The following TLN2 variants were observed in gnomAD, a reference collection of about 807,000 sequenced individuals.
The protein encoded by TLN2 is talin-2.
In TLN2, 118 loss-of-function variants were observed where a neutral mutation model predicts 294.7. The ratio of observed to expected loss-of-function variants is 0.40; its 90% CI spans 0.34 to 0.47. The LOEUF (loss-of-function observed/expected upper bound fraction) is 0.47, where lower values mean the gene tolerates loss of function less well. Ranked by LOEUF, TLN2 falls within the 20% of genes least tolerant of loss-of-function variation. The pLI is 0.84. For missense variants in TLN2, 3,083 were observed against 3,282.2 expected (o/e 0.94, Z 1.48); for synonymous variants, 1,431 against 1,304.5 (o/e 1.10, Z -2.09).
intron 1 of TLN2, among the ~76,000 whole-genome samples, chr15:62,472,682 G>A (rs62006671): frequency 0.07 from 10,655 of 152,308 alleles, 494 homozygotes; most frequent in Non-Finnish European, 0.1. Context: ...TAGGAAAGGA[G>A]TGTGCCTTCC....
chr15:62,595,182 G>C (rs774069092), intron 2 of TLN2, among the ~76,000 whole-genome samples: 11 of 152,186 alleles, frequency 7.2e-5, no homozygotes, highest in Non-Finnish European at 1.5e-4. Context: ...AGCACTTTGG[G>C]AGGCTGAGGT....
In TLN2 at chr15:62,683,433, TCCCG is replaced by T. The variant is rs1470617048; in HGVS notation, c.958-3205_958-3202del. 2.5e-4 allele frequency among the ~76,000 whole-genome samples: 37 copies of T among 149,704 alleles called. 1 individual carries two copies. In the East Asian group the frequency reaches 3.2e-3, roughly 13 times the overall value. On this transcript the variant is annotated intron_variant, in intron 11 of 58. Transcript: ENST00000636159. ...TCTCATTGGTAGAATGCCTGCATTC[TCCCG>T]CCTCTCATTGGTAGAATGCCTGCAT... is the stretch of plus-strand genomic sequence containing the variant.
intron 1 of TLN2, among the ~76,000 whole-genome samples, chr15:62,562,530 C>CATTTATTT (rs34080138): frequency 0.032 from 4,744 of 150,196 alleles, 234 homozygotes; most frequent in African/African-American, 0.1. Flanking sequence ...ATCTCTCCTC[C>CATTTATTT]ATTTATTTAT....
At chr15:62,397,348 C>A (rs2032634508) in intron 1 of TLN2, among the ~76,000 whole-genome samples, 1 of 152,210 alleles carries the variant, frequency 6.6e-6, no homozygotes, top group Non-Finnish European at 1.5e-5. Context: ...GCCTCAAACT[C>A]CCGGGCTCAA....
At chr15:62,679,764 C>T (rs2141023199) in intron 11 of TLN2, among the ~76,000 whole-genome samples, 1 of 152,344 alleles carries the variant, frequency 6.6e-6, no homozygotes, top group Admixed American at 6.5e-5. Flanking sequence ...AACAATGGTA[C>T]AGTAACACAG....
At chr15:62,708,267 A>G (rs1369804539) in intron 20 of TLN2, among the ~76,000 whole-genome samples, 3 of 152,202 alleles carry the variant, frequency 2.0e-5, no homozygotes, top group Non-Finnish European at 4.4e-5. Flanking sequence ...TAATGAAGTT[A>G]TAAATTAGTG....
Position 62,819,846 on chromosome 15 carries a change from A to C in TLN2, c.6877+225A>C, listed in dbSNP as rs189701985. ...TCTAGTCTTTGTATTAAGTGCTTCT[A>C]CTTAAATGGTATCCTCCACCTAGAA... On this transcript the variant is annotated intron_variant, in intron 53 of 58. Coordinates refer to ENST00000636159, the MANE Select transcript of TLN2 (RefSeq NM_015059.3). Among the ~76,000 whole-genome samples, 102 of 152,362 alleles carry C rather than the reference A, an allele frequency of 6.7e-4. 1 individual carries two copies. The highest frequency in any genetic ancestry group is 2.4e-3 in the African/African-American group (98 of 41,594).
intron 1 of TLN2, among the ~76,000 whole-genome samples, chr15:62,405,785 C>T (rs17271688): frequency 0.027 from 4,180 of 152,198 alleles, 74 homozygotes; most frequent in Middle Eastern, 0.048. Context: ...AAGCTGGCTG[C>T]GCAGGGATGG....
At chr15:62,512,376 T>C (rs1245994274) in intron 1 of TLN2, among the ~76,000 whole-genome samples, 1 of 152,182 alleles carries the variant, frequency 6.6e-6, no homozygotes, top group Non-Finnish European at 1.5e-5. Flanking sequence ...TTTCCCTTCC[T>C]TTCTTTGTTT....
At chr15:62,669,041 G>C (rs1292622640) in intron 9 of TLN2, among the ~76,000 whole-genome samples, 1 of 152,198 alleles carries the variant, frequency 6.6e-6, no homozygotes, top group East Asian at 1.9e-4. Context: ...GATTTCTGCA[G>C]TGTCTTGCAT....
chr15:62,400,520 G>T (rs1466227587), intron 1 of TLN2, among the ~76,000 whole-genome samples: 1 of 152,160 alleles, frequency 6.6e-6, no homozygotes, highest in African/African-American at 2.4e-5. Context: ...GAATTCATGG[G>T]TATCATTTTA....
chr15:62,426,338 G>A (rs553184246), intron 1 of TLN2, among the ~76,000 whole-genome samples: 1 of 152,310 alleles, frequency 6.6e-6, no homozygotes, highest in Non-Finnish European at 1.5e-5. Flanking sequence ...CCCTATACCA[G>A]ACACCTTGGG....
Position 62,697,783 on chromosome 15 carries a change from C to T in TLN2, c.1388C>T (p.Pro463Leu). Residue 463 changes from proline (P) to leucine (L), a missense_variant, in exon 15 of 59, where the codon CCT (proline) becomes CTT (leucine). Coordinates refer to ENST00000636159, the MANE Select transcript of TLN2 (RefSeq NM_015059.3). ...GTGATGCGCTCGGGCTCCAGCGGGC[C>T]TGAGACCTTCAACGTTGGCAGCATG... The part of the protein sequence containing the change: ...PAVMRSGSSG[P>L]ETFNVGSMPS... The T allele has an allele frequency of 2.5e-6, 4 of 1,612,994 alleles. No individual in the cohort carries two copies. The South Asian group carries it at 3.3e-5, about 13-fold the overall frequency.
At chr15:62,799,266 G>A (rs2065758458) in intron 48 of TLN2, among the ~76,000 whole-genome samples, 1 of 152,186 alleles carries the variant, frequency 6.6e-6, no homozygotes, top group Admixed American at 6.5e-5. Flanking sequence ...CAGTGGCGAG[G>A]AGTAAATGAG....
intron 39 of TLN2, 165 bp from the exon 40 acceptor site, chr15:62,763,398 G>GGCTGT: frequency 1.4e-6 from 1 of 702,426 alleles, no homozygotes; most frequent in Non-Finnish European, 2.3e-6. Context: ...GGAATGCATG[G>GGCTGT]GCTGTGCAGT....
chr15:62,442,977 C>G (rs1236178947), intron 1 of TLN2, among the ~76,000 whole-genome samples: 2 of 152,218 alleles, frequency 1.3e-5, no homozygotes, highest in Non-Finnish European at 2.9e-5. Context: ...TAAGCTCTCT[C>G]TCACCTGTCC....
At chr15:62,822,753 A>G (rs1000806769) in intron 54 of TLN2, among the ~76,000 whole-genome samples, 8 of 152,212 alleles carry the variant, frequency 5.3e-5, no homozygotes, top group Non-Finnish European at 1.5e-5. Flanking sequence ...AATGGTTGCT[A>G]GGACTGTGTA....
chr15:62,442,297 C>G (rs1159273652), intron 1 of TLN2, among the ~76,000 whole-genome samples: 1 of 151,886 alleles, frequency 6.6e-6, no homozygotes, highest in Non-Finnish European at 1.5e-5. Context: ...GGGTTCCAGA[C>G]TAGCCTGGCC....
chr15:62,664,471 T>TA (rs575623389), intron 9 of TLN2, among the ~76,000 whole-genome samples: 55 of 152,068 alleles, frequency 3.6e-4, no homozygotes, highest in Non-Finnish European at 6.8e-4. Flanking sequence ...TCTTTATATT[T>TA]AAAAATATAT....
Sources: gnomAD v4.1 joint callset for allele counts (sites outside exome capture counted in the v4.1 genomes callset) on GRCh38, gnomAD v4.1.1 for gene constraint, MANE v1.5 for transcripts, NCBI Gene and HGNC (gene_info 2026-07-23, HGNC 2026-07-21) for gene names.